Variants in ARHGEF11 observed in about 807,000 individuals in gnomAD.
ARHGEF11 encodes Rho guanine exchange factor (GEF) 11.
ARHGEF11 carries 55 observed loss-of-function variants against 193.7 expected under a neutral mutation model. The observed-to-expected ratio is 0.28, with a 90% CI of 0.23 to 0.36. The LOEUF is 0.36. Among genes scored for constraint, ARHGEF11 ranks in the 10% least tolerant of loss-of-function variants. The probability of loss-of-function intolerance (pLI) is 1.00; values close to 1 mark genes in which losing one functional copy is unlikely to be tolerated. For synonymous variants in ARHGEF11, 693 were observed against 768.0 expected (o/e 0.90, Z 1.62); for missense variants, 1,723 against 2,005.6 (o/e 0.86, Z 2.69).
intron 1 of ARHGEF11, among the ~76,000 whole-genome samples, chr1:157,020,125 G>GAAAA (rs200320955): frequency 7.3e-6 from 1 of 136,820 alleles, no homozygotes; most frequent in Non-Finnish European, 1.6e-5. Flanking sequence ...CTCTGTCTCA[G>GAAAA]AAAAAAAAAA....
intron 1 of ARHGEF11, among the ~76,000 whole-genome samples, chr1:157,022,939 C>T (rs1670168006): frequency 6.6e-6 from 1 of 152,154 alleles, no homozygotes; most frequent in Non-Finnish European, 1.5e-5. Context: ...CTGGGACAAT[C>T]AGAAATCCAT....
At chr1:157,024,237 T>C (rs1670365232) in intron 1 of ARHGEF11, among the ~76,000 whole-genome samples, 2 of 152,056 alleles carry the variant, frequency 1.3e-5, no homozygotes, top group South Asian at 4.1e-4. Flanking sequence ...GGCAAATCCA[T>C]AGAGATAAGG....
In ARHGEF11 at chr1:156,939,818, G is replaced by C. The variant is rs773202369; in HGVS notation, c.3826C>G (p.Pro1276Ala). Residue 1276 changes from proline (P) to alanine (A), a missense_variant, in exon 37 of 41, where the codon CCC (proline) becomes GCC (alanine). Coordinates refer to ENST00000368194, the MANE Select transcript of ARHGEF11 (RefSeq NM_198236.3). Reference sequence around the variant, plus strand: ...GTGACGCTGATGACAGAAGGTGTGGGTGTCAGGTCGTCCTCGGGCTCCTGG... The same window carrying C: ...GTGACGCTGATGACAGAAGGTGTGGCTGTCAGGTCGTCCTCGGGCTCCTGG... ...AAQEPEDDLT[P>A]TPSVISVTSH... 6.2e-7 allele frequency: 1 copy of C among 1,613,616 alleles called. No homozygotes were observed. The highest frequency in any genetic ancestry group is 1.1e-5 in the South Asian group (1 of 91,082).
intron 35 of ARHGEF11, among the ~76,000 whole-genome samples, chr1:156,941,000 GC>G (rs1332262672): frequency 6.6e-6 from 1 of 152,046 alleles, no homozygotes; most frequent in African/African-American, 2.4e-5. Flanking sequence ...GAGCTCCCCA[GC>G]CCCGCCATGT....
chr1:157,041,771 T>C (rs1672778933), intron 1 of ARHGEF11, among the ~76,000 whole-genome samples: 1 of 152,204 alleles, frequency 6.6e-6, no homozygotes, highest in Non-Finnish European at 1.5e-5. Context: ...AAACTGTCCC[T>C]GCTTGTGAGG....
chr1:156,961,634 A>G, intron 14 of ARHGEF11, 43 bp downstream of exon 14: 1 of 1,577,296 alleles, frequency 6.3e-7, no homozygotes, highest in Non-Finnish European at 8.7e-7. Context: ...TGAGTAGTTC[A>G]AAGAATATGA....
chr1:157,009,668 G>A (rs1668318529), intron 1 of ARHGEF11, among the ~76,000 whole-genome samples: 1 of 152,158 alleles, frequency 6.6e-6, no homozygotes, highest in South Asian at 2.1e-4. Context: ...ACCATAATTT[G>A]ATCTAAACAC....
At chr1:156,957,006 A>G (rs879891501) in intron 18 of ARHGEF11, among the ~76,000 whole-genome samples, 13 of 152,186 alleles carry the variant, frequency 8.5e-5, no homozygotes, top group African/African-American at 1.9e-4. Flanking sequence ...GAGAAATGCC[A>G]AGCAGCCTCT....
At chr1:156,943,055 A>T in intron 32 of ARHGEF11, among the ~76,000 whole-genome samples, 1 of 146,052 alleles carries the variant, frequency 6.8e-6, no homozygotes. Flanking sequence ...GGTGCTTAGG[A>T]GTTATAAAAC....
At chr1:156,973,769 G>C (rs1371875649) in intron 7 of ARHGEF11, among the ~76,000 whole-genome samples, 1 of 152,076 alleles carries the variant, frequency 6.6e-6, no homozygotes, top group Non-Finnish European at 1.5e-5. Context: ...TTCACCAATG[G>C]ATAAGTTCTA....
chr1:157,008,363 T>C (rs1240476368), intron 1 of ARHGEF11, among the ~76,000 whole-genome samples: 4 of 150,820 alleles, frequency 2.7e-5, no homozygotes, highest in Non-Finnish European at 4.4e-5. Context: ...CATGATGGGG[T>C]TGGTGTCCTT....
chr1:156,936,497 A>ATAT (rs1553192805), intron 40 of ARHGEF11, among the ~76,000 whole-genome samples: 703 of 33,840 alleles, frequency 0.021, 13 homozygotes, highest in Non-Finnish European at 0.026. Flanking sequence ...AAAAAAAAAA[A>ATAT]ATATATATAT....
At position 156,947,723 on chromosome 1, in the gene ARHGEF11, T is replaced by G. The variant is rs1320276536; in HGVS notation, c.2341+46A>C. The stretch of plus-strand genomic sequence containing the variant: ...TGTGTCTTAGGCATTCTGGACCTAT[T>G]CCCACACGTGTGAGCGGAGCTGGGG... On this transcript the variant is annotated intron_variant, in intron 25 of 40. Transcript: ENST00000368194. The G allele has an allele frequency of 3.1e-6, 5 of 1,600,326 alleles. No individual in the cohort carries two copies. In the South Asian group the frequency reaches 3.3e-5, roughly 11 times the overall value.
At chr1:156,946,224 C>T in intron 28 of ARHGEF11, 62 bp from the exon 29 acceptor site, 15 of 1,421,894 alleles carry the variant, frequency 1.1e-5, no homozygotes, top group Non-Finnish European at 1.4e-5. Flanking sequence ...GGCTTATGGG[C>T]TCAGGGCCAA....
chr1:156,956,967 T>C (rs966409045), intron 18 of ARHGEF11, among the ~76,000 whole-genome samples: 3 of 152,138 alleles, frequency 2.0e-5, no homozygotes, highest in Admixed American at 1.3e-4. Flanking sequence ...CTCAGGCATA[T>C]GTGCAGGGGT....
At chr1:156,975,876 A>T (rs1663182189) in intron 7 of ARHGEF11, among the ~76,000 whole-genome samples, 2 of 152,208 alleles carry the variant, frequency 1.3e-5, no homozygotes, top group African/African-American at 4.8e-5. Flanking sequence ...TTGACCATAG[A>T]TGTATGGGTT....
At chr1:156,953,995 C>G (rs1313000758) in intron 21 of ARHGEF11, among the ~76,000 whole-genome samples, 1 of 152,062 alleles carries the variant, frequency 6.6e-6, no homozygotes, top group African/African-American at 2.4e-5. Context: ...CAAAAATATC[C>G]AAGAGAAAAA....
In ARHGEF11 at chr1:156,956,515, G is replaced by A. The variant is rs1003026726; in HGVS notation, c.1576C>T (p.Arg526Cys). Residue 526 changes from arginine to cysteine, a missense_variant, in exon 19 of 41, where the codon CGT becomes TGT. Coordinates refer to ENST00000368194, the MANE Select transcript of ARHGEF11 (RefSeq NM_198236.3). Reference sequence around the variant, plus strand: ...TTGGAAGGTCGTGCCTCTCGAAGACGGATCCCAGCATGGCTCATGTAGGTA... The same window carrying A: ...TTGGAAGGTCGTGCCTCTCGAAGACAGATCCCAGCATGGCTCATGTAGGTA... ...LNTYMSHAGI[R>C]LREARPSNTA... 6.8e-6 allele frequency: 11 copies of A among 1,614,028 alleles called. No individual in the cohort carries two copies. The highest frequency in any genetic ancestry group is 1.6e-4 in the Middle Eastern group (1 of 6,084).
chr1:156,979,360 A>AT (rs2102402562), intron 4 of ARHGEF11, 74 bp from the exon 5 acceptor site: 3 of 737,710 alleles, frequency 4.1e-6, no homozygotes, highest in South Asian at 5.2e-5. Flanking sequence ...TCAAAATGCC[A>AT]CTTTTTTTTT....
Sources: allele counts gnomAD v4.1 joint callset (sites outside exome capture counted in the v4.1 genomes callset), GRCh38; gene constraint gnomAD v4.1.1; transcripts MANE v1.5; gene names NCBI Gene and HGNC (gene_info 2026-07-23, HGNC 2026-07-21).